ZNF418: variants seen among roughly 807,000 people sequenced by gnomAD.
The protein encoded by ZNF418 is zinc finger protein 418.
A neutral mutation model predicts 32.0 loss-of-function variants in ZNF418; 32 were observed. The observed-to-expected ratio is 1.00, with a 90% confidence interval of 0.75 to 1.34. The LOEUF is 1.34. Among genes scored for constraint, ZNF418 ranks in the 40% most tolerant of loss-of-function variants. The pLI, the probability that ZNF418 is intolerant of heterozygous loss-of-function variation, is 0.00. For synonymous variants in ZNF418, 276 were observed against 270.7 expected (o/e 1.02, Z -0.19); for missense variants, 804 against 812.5 (o/e 0.99, Z 0.13).
chr19:57,931,055 G>C (rs996637166), intron 2 of ZNF418, among the ~76,000 whole-genome samples: 1 of 151,824 alleles, frequency 6.6e-6, no homozygotes, highest in Non-Finnish European at 1.5e-5. Context: ...GATTATAGGC[G>C]TGAGCCACCG....
At chr19:57,932,381 G>T in intron 2 of ZNF418, 2 of 1,514,618 alleles carry the variant, frequency 1.3e-6, no homozygotes, top group South Asian at 1.2e-5. Flanking sequence ...CAATGTGGCT[G>T]ACAGAATTCA....
At chr19:57,932,576 C>G (rs773731476) in intron 2 of ZNF418, 1 of 1,528,638 alleles carries the variant, frequency 6.5e-7, no homozygotes, top group Non-Finnish European at 8.7e-7. Flanking sequence ...TTGGTGACCC[C>G]TCTACAATGA....
intron 2 of ZNF418, 28 bp from the exon 3 acceptor site, chr19:57,930,582 C>T (rs1450098367): frequency 6.2e-7 from 1 of 1,613,490 alleles, no homozygotes; most frequent in East Asian, 2.2e-5. Context: ...GATGAAACCA[C>T]AAACAGCTCC....
chr19:57,935,039 C>A, intron 1 of ZNF418, 122 bp downstream of exon 1: 5 of 1,388,958 alleles, frequency 3.6e-6, no homozygotes, highest in Non-Finnish European at 4.7e-6. Context: ...ACCTCTCCCG[C>A]GAACGCCTCA....
In ZNF418 at chr19:57,927,889, C is replaced by A. The variant is rs971290442; in HGVS notation, c.292G>T (p.Ala98Ser). ...GAILGDILHL[A>S]DHQGTHHKQK... ...TTGTGATGTGTCCCCTGATGATCTGCCAAGTGCAAAATGTCTCCCAAGATC... is the reference window on the plus strand; with the variant it reads ...TTGTGATGTGTCCCCTGATGATCTGACAAGTGCAAAATGTCTCCCAAGATC... Residue 98 changes from alanine (A) to serine (S), a missense_variant, in exon 4 of 6, where the codon GCA becomes TCA. Around this residue, in one of 3 missense-constraint regions of ZNF418, gnomAD observed 307 missense variants for 304.9 expected, o/e 1.01. Coordinates refer to ENST00000396147, the MANE Select transcript of ZNF418 (RefSeq NM_133460.3). 1.9e-6 allele frequency: 3 copies of A among 1,614,082 alleles called. No individual in the cohort carries two copies. Among genetic ancestry groups the A allele is most frequent in the Admixed American group, 3.3e-5 (2 of 60,006 alleles).
rs769561701 is a variant in ZNF418, at chr19:57,926,128, A to T, written c.*22T>A. 1.3e-6 allele frequency: 2 copies of T among 1,590,848 alleles called. No individual in the cohort carries two copies. Among genetic ancestry groups the T allele is most frequent in the East Asian group, 2.2e-5 (1 of 44,664 alleles). On this transcript the variant is annotated 3_prime_UTR_variant, in exon 4 of 6. Transcript: ENST00000396147. ...CAAGAAGATGCACAGAGGTTTAGCT[A>T]AAGAATTTCCCAAATTTCTTTTCAC...
At chr19:57,932,905 T>C (rs1032633259) in intron 2 of ZNF418, among the ~76,000 whole-genome samples, 1 of 152,120 alleles carries the variant, frequency 6.6e-6, no homozygotes. Flanking sequence ...CTCTTATCTA[T>C]TCTACCCTTG....
chr19:57,934,546 G>A (rs756005568), intron 1 of ZNF418, among the ~76,000 whole-genome samples: 1 of 152,184 alleles, frequency 6.6e-6, no homozygotes, highest in South Asian at 2.1e-4. Context: ...TGCTTTTGTA[G>A]CCAGGAGTGT....
chr19:57,924,428 C>T (rs2072133453), intron 4 of ZNF418, among the ~76,000 whole-genome samples: 1 of 152,096 alleles, frequency 6.6e-6, no homozygotes, highest in African/African-American at 2.4e-5. Context: ...TCCACGAATC[C>T]TTTATATTAT....
chr19:57,930,180 G>T (rs1014995266), intron 3 of ZNF418, among the ~76,000 whole-genome samples: 1 of 152,162 alleles, frequency 6.6e-6, no homozygotes, highest in Non-Finnish European at 1.5e-5. Flanking sequence ...AAATGCATTA[G>T]ATTGACTACG....
Position 57,927,575 on chromosome 19 carries a change from A to G in ZNF418, c.606T>C (p.His202=). 1 of 1,614,192 alleles carries G rather than the reference A, an allele frequency of 6.2e-7. No individual in the cohort carries two copies. The highest frequency in any genetic ancestry group is 8.5e-7 in the Non-Finnish European group (1 of 1,180,038). ...CESPFQWGDT[H]YSCGECMKHS... ...GTTTCATGCATTCTCCACAGCTGTA[A>G]TGAGTATCTCCCCACTGAAAGGGAG... The change falls in exon 4 of 6, where the codon CAT becomes CAC. Residue 202 remains histidine (H), a synonymous_variant. Coordinates refer to ENST00000396147, the MANE Select transcript of ZNF418 (RefSeq NM_133460.3).
Position 57,926,567 on chromosome 19 carries a change from A to C in ZNF418, c.1614T>G (p.Tyr538Ter), listed in dbSNP as rs369738449. 3 of 1,613,940 alleles carry C rather than the reference A, an allele frequency of 1.9e-6. No individual in the cohort carries two copies. The highest frequency in any genetic ancestry group is 1.3e-5 in the African/African-American group (1 of 74,886). The change falls in exon 4 of 6, where the codon TAT becomes TAG. Residue 538 changes from tyrosine to a stop codon, truncating the protein, a stop_gained. Coordinates refer to ENST00000396147, the MANE Select transcript of ZNF418 (RefSeq NM_133460.3). LOFTEE classifies it low-confidence loss of function (END_TRUNC). ...ATGACTTTCCACATTCTCCACATTC[A>C]TAAGGCCTTTCTCCAGTATGAACTC... ...HRRVHTGERP[Y>*]ECGECGKSFH...
chr19:57,925,226 C>G (rs560074848), intron 4 of ZNF418, among the ~76,000 whole-genome samples: 15 of 152,120 alleles, frequency 9.9e-5, no homozygotes, highest in African/African-American at 3.1e-4. Context: ...TTTGGGAGGC[C>G]AAGGAGGGCA....
intron 2 of ZNF418, among the ~76,000 whole-genome samples, chr19:57,931,293 C>A (rs1229110027): frequency 6.6e-6 from 1 of 151,794 alleles, no homozygotes; most frequent in African/African-American, 2.4e-5. Context: ...CCTCCACCTC[C>A]CAGGTTCAAG....
chr19:57,925,268 G>A (rs1401739378), intron 4 of ZNF418, among the ~76,000 whole-genome samples: 3 of 152,044 alleles, frequency 2.0e-5, no homozygotes, highest in Admixed American at 6.6e-5. Flanking sequence ...AGACCATCCT[G>A]GCTAACACGG....
rs757000433 is a variant in ZNF418 at position 57,933,850 on chromosome 19, C to T, written c.-28G>A. On this transcript the variant is annotated 5_prime_UTR_variant, in exon 2 of 6. Transcript: ENST00000396147. ...TGGCAGGAGTTTAAACTCTGATCCTCCTTCCTCCTCCCTCAAACACAGTGT... is the reference window on the plus strand; with the variant it reads ...TGGCAGGAGTTTAAACTCTGATCCTTCTTCCTCCTCCCTCAAACACAGTGT... 5.0e-6 allele frequency: 8 copies of T among 1,614,026 alleles called. No individual in the cohort carries two copies. Among genetic ancestry groups the T allele is most frequent in the Admixed American group, 3.3e-5 (2 of 59,996 alleles).
chr19:57,922,531 T>C lies in ZNF418; in HGVS notation c.*724A>G, dbSNP rs1600155248. ...ACCCAAAGAGAGAACATGCAGATCA[T>C]AATCAGTTCATATTTATAATCTTGG... On this transcript the variant is annotated 3_prime_UTR_variant, in exon 6 of 6. Coordinates refer to ENST00000396147, the MANE Select transcript of ZNF418 (RefSeq NM_133460.3). 1 of 398,486 alleles carries C rather than the reference T, an allele frequency of 2.5e-6. No individual in the cohort carries two copies. Among genetic ancestry groups the C allele is most frequent in the Non-Finnish European group, 4.4e-6 (1 of 226,026 alleles). The allele number at this position is 398,486 out of a possible 1,614,324, so 24.7% of individuals were successfully genotyped here.
chr19:57,934,668 T>G (rs1464225047), intron 1 of ZNF418: 2 of 178,494 alleles, frequency 1.1e-5, no homozygotes. Context: ...CGTGTCTCAG[T>G]GCAAAATGTC....
intron 2 of ZNF418, chr19:57,932,466 C>G: frequency 6.5e-7 from 1 of 1,535,362 alleles, no homozygotes; most frequent in Non-Finnish European, 8.7e-7. Flanking sequence ...CAATGCAGTC[C>G]CAAGTCATTC....
Sources: gnomAD v4.1 joint callset for allele counts (sites outside exome capture counted in the v4.1 genomes callset) on GRCh38, gnomAD v4.1.1 for gene constraint, gnomAD v4.1.1 regional missense constraint, MANE v1.5 for transcripts, NCBI Gene and HGNC (gene_info 2026-07-23, HGNC 2026-07-21) for gene names.